TARS2: variants seen among roughly 807,000 people sequenced by gnomAD.
The protein encoded by TARS2 is threonine--tRNA ligase, mitochondrial.
In TARS2, 61 loss-of-function variants were observed where a neutral mutation model predicts 94.4. The ratio of observed to expected loss-of-function variants is 0.65; its 90% CI spans 0.53 to 0.80. TARS2 has a LOEUF of 0.80. Among genes scored for constraint, TARS2 ranks in the 30% least tolerant of loss-of-function variants. The pLI is 0.00. For missense variants in TARS2, 704 were observed against 902.5 expected, an observed-to-expected ratio of 0.78 and a Z score of 2.82; for synonymous variants, 359 against 353.4, an observed-to-expected ratio of 1.02 and a Z score of -0.18.
intron 7 of TARS2, among the ~76,000 whole-genome samples, chr1:150,492,856 G>A (rs1381037903): frequency 6.8e-6 from 1 of 146,772 alleles, no homozygotes; most frequent in Non-Finnish European, 1.5e-5. Flanking sequence ...ATGAGCAGGA[G>A]AATCGGAAGG....
At chr1:150,505,121 G>C (rs1049801316) in intron 16 of TARS2, 143 bp downstream of exon 16, 1 of 741,308 alleles carries the variant, frequency 1.3e-6, no homozygotes. Context: ...AGTGGCTGCT[G>C]TCCTAGATGC....
At chr1:150,490,321 G>T (rs1669326424) in intron 3 of TARS2, among the ~76,000 whole-genome samples, 3 of 151,896 alleles carry the variant, frequency 2.0e-5, no homozygotes, top group Non-Finnish European at 4.4e-5. Flanking sequence ...GTTTCACCAT[G>T]TTGGCCAGAC....
chr1:150,506,814 C>T (rs900673342), intron 17 of TARS2, 102 bp from the exon 18 acceptor site: 4 of 1,495,754 alleles, frequency 2.7e-6, no homozygotes, highest in Non-Finnish European at 3.7e-6. Flanking sequence ...TCTGCTCCCA[C>T]CCTTCCTAAA....
In TARS2 at chr1:150,504,774, G is replaced by A. The variant is rs77056123; in HGVS notation, c.1820+41G>A. ...TGGATTTCTGTTCTGGCCCCAAACC[G>A]GATAGTTATGCTCCAGATCCTGTCC... On this transcript the variant is annotated intron_variant, in intron 15 of 17. Transcript: ENST00000369064. 2.6e-3 allele frequency: 4,222 copies of A among 1,611,212 alleles called. 98 individuals are homozygous for A. The African/African-American group carries it at 0.049, about 19-fold the overall frequency.
In TARS2 at chr1:150,490,615, C is replaced by T. The variant is rs1048775321; in HGVS notation, c.402C>T (p.Ser134=). Residue 134 remains serine (S), a synonymous_variant, in exon 4 of 18, where the codon TCC becomes TCT. Transcript: ENST00000369064. The part of the protein sequence containing the change: ...SPEGKAVFWH[S]STHVLGAAAE... ...TGTGAACCCAGGTGTTCTGGCACTC[C>T]AGCACCCATGTCCTGGGGGCAGCAG... 1 of 1,613,836 alleles carries T rather than the reference C, an allele frequency of 6.2e-7. No individual in the cohort carries two copies. Among genetic ancestry groups the T allele is most frequent in the Admixed American group, 1.7e-5 (1 of 59,954 alleles).
chr1:150,505,775 C>G lies in TARS2; in HGVS notation c.2008+70C>G. 4 of 1,454,192 alleles carry G rather than the reference C, an allele frequency of 2.8e-6. No homozygotes were observed. The African/African-American group carries it at 5.6e-5, about 20-fold the overall frequency. 90.1% of individuals were successfully genotyped at this position (1,454,192 alleles called of 1,614,324 possible). A position where few individuals can be genotyped will look rare whatever the true frequency, so the allele number is the denominator to read the frequency against. On this transcript the variant is annotated intron_variant, in intron 17 of 17. Transcript: ENST00000369064. ...ATTCTTGCTGTTAAGTTTACCAAGT[C>G]TGGTAATGCATATTTGGGTTAATTG... is the stretch of plus-strand genomic sequence containing the variant.
At chr1:150,503,577 G>GTGTGTA (rs1553905434) in intron 13 of TARS2, among the ~76,000 whole-genome samples, 17 of 141,452 alleles carry the variant, frequency 1.2e-4, no homozygotes, top group African/African-American at 3.8e-4. Context: ...GTGTGTGTGT[G>GTGTGTA]TATATATATG....
At chr1:150,492,292 C>T (rs1669431463) in intron 6 of TARS2, 119 bp from the exon 7 acceptor site, 1 of 1,054,578 alleles carries the variant, frequency 9.5e-7, no homozygotes, top group Non-Finnish European at 1.4e-6. Context: ...TGCCATTGCC[C>T]TCTCTCAGTA....
intron 17 of TARS2, among the ~76,000 whole-genome samples, chr1:150,506,054 C>T (rs1405762117): frequency 1.3e-5 from 2 of 150,904 alleles, no homozygotes; most frequent in Admixed American, 6.6e-5. Flanking sequence ...GGAATCAGCC[C>T]TAAGGGATGA....
At chr1:150,492,221 C>T (rs1560246074) in intron 6 of TARS2, 190 bp from the exon 7 acceptor site, 3 of 555,962 alleles carry the variant, frequency 5.4e-6, no homozygotes, top group Non-Finnish European at 9.6e-6. Context: ...ACCTTGGCCT[C>T]CCAAAGTTCT....
At chr1:150,491,319 C>A in intron 4 of TARS2, 75 bp from the exon 5 acceptor site, 2 of 1,460,858 alleles carry the variant, frequency 1.4e-6, no homozygotes, top group Non-Finnish European at 1.9e-6. Context: ...ACCTTACCCG[C>A]TAGCCAACAG....
chr1:150,488,875 T>C, intron 2 of TARS2, 89 bp from the exon 3 acceptor site: 1 of 1,515,226 alleles, frequency 6.6e-7, no homozygotes, highest in Admixed American at 2.1e-5. Flanking sequence ...CTTTTTAAAC[T>C]CTCATATAGG....
chr1:150,492,617 C>G (rs1669446736), intron 7 of TARS2, 128 bp downstream of exon 7: 1 of 928,552 alleles, frequency 1.1e-6, no homozygotes, highest in Non-Finnish European at 1.7e-6. Context: ...TGAGACCAGC[C>G]TGGCCAATAT....
chr1:150,495,820 T>C (rs1321920626), intron 7 of TARS2, among the ~76,000 whole-genome samples: 3 of 151,898 alleles, frequency 2.0e-5, no homozygotes, highest in Admixed American at 2.0e-4. Flanking sequence ...TCCGGGTTCA[T>C]GCCATTGTCC....
intron 13 of TARS2, among the ~76,000 whole-genome samples, chr1:150,500,031 C>T (rs1030558229): frequency 1.2e-4 from 18 of 151,666 alleles, no homozygotes; most frequent in Non-Finnish European, 1.8e-4. Context: ...AAAAATTAGC[C>T]GGGTGCAGTA....
At position 150,497,439 on chromosome 1, in the gene TARS2, G is replaced by C. The variant is rs966696564; in HGVS notation, c.1021-91G>C. On this transcript the variant is annotated intron_variant, in intron 9 of 17. Coordinates refer to ENST00000369064, the MANE Select transcript of TARS2 (RefSeq NM_025150.5). ...ATAGGTTGTGGTTGCAATCAGCATG[G>C]CCTGAGGGCCCAGGAAGATCACACA... is the stretch of plus-strand genomic sequence containing the variant. 6.4e-6 allele frequency: 8 copies of C among 1,253,642 alleles called. No homozygotes were observed. The African/African-American group carries it at 1.2e-4, about 18-fold the overall frequency. 77.7% of individuals were successfully genotyped at this position (1,253,642 alleles called of 1,614,324 possible).
intron 7 of TARS2, among the ~76,000 whole-genome samples, chr1:150,493,033 C>T (rs1437193552): frequency 6.6e-6 from 1 of 151,838 alleles, no homozygotes; most frequent in Non-Finnish European, 1.5e-5. Context: ...TAGGTGTGCA[C>T]CACCATGCCC....
At chr1:150,490,418 CT>C (rs765177632) in intron 3 of TARS2, among the ~76,000 whole-genome samples, 182 bp from the exon 4 acceptor site, 43 of 151,102 alleles carry the variant, frequency 2.8e-4, no homozygotes, top group African/African-American at 8.0e-4. Context: ...TGTGCCCAGC[CT>C]TTTTTTTTAA....
At chr1:150,499,662 G>A (rs926345208) in intron 13 of TARS2, among the ~76,000 whole-genome samples, 8 of 152,006 alleles carry the variant, frequency 5.3e-5, no homozygotes, top group Admixed American at 1.3e-4. Context: ...CACCGCACCC[G>A]GCCACAAAGA....
Sources: allele counts gnomAD v4.1 joint callset (sites outside exome capture counted in the v4.1 genomes callset), GRCh38; gene constraint gnomAD v4.1.1; transcripts MANE v1.5; gene names NCBI Gene and HGNC (gene_info 2026-07-23, HGNC 2026-07-21).